USP35: variants seen among roughly 807,000 people sequenced by gnomAD.
USP35 encodes ubiquitin specific peptidase 35.
In USP35, 69 loss-of-function variants were observed where a neutral mutation model predicts 83.8. The ratio of observed to expected loss-of-function variants is 0.82; its 90% confidence interval spans 0.68 to 1.01. USP35 has a LOEUF of 1.01. USP35 is among the 50% of genes least tolerant of loss of function. USP35 has a pLI of 0.00. For missense variants in USP35, 1,503 were observed against 1,362.5 expected (o/e 1.10, Z -1.62); for synonymous variants, 714 against 589.5 (o/e 1.21, Z -3.06).
the USP35 span, among the ~76,000 whole-genome samples, chr11:78,227,581 G>A: frequency 1.4e-5 from 2 of 145,162 alleles, no homozygotes; most frequent in South Asian, 2.2e-4. Context: ...GTTCACTTGA[G>A]GCCAGGAGTT....
chr11:78,197,834 C>T (rs994097335), intron 2 of USP35, 102 bp from the exon 3 acceptor site: 2 of 1,471,762 alleles, frequency 1.4e-6, no homozygotes, highest in African/African-American at 1.4e-5. Flanking sequence ...TGTGCTCTTC[C>T]TAGAGGCCCA....
At chr11:78,229,047 A>T in the USP35 span, among the ~76,000 whole-genome samples, 1 of 152,300 alleles carries the variant, frequency 6.6e-6, no homozygotes, top group East Asian at 1.9e-4. Flanking sequence ...TGGTCTGGGA[A>T]TGTCACAGTA....
At chr11:78,191,184 G>T (rs149810263) in intron 1 of USP35, among the ~76,000 whole-genome samples, 56 of 152,174 alleles carry the variant, frequency 3.7e-4, no homozygotes, top group African/African-American at 1.3e-3. Flanking sequence ...CACACACAGG[G>T]TGCTTTGGGG....
the USP35 span, among the ~76,000 whole-genome samples, chr11:78,232,195 T>G: frequency 6.6e-6 from 1 of 152,200 alleles, no homozygotes; most frequent in Non-Finnish European, 1.5e-5. Flanking sequence ...ATGGGTAAGC[T>G]CTCCACTGAC....
chr11:78,208,842 C>T lies in USP35; in HGVS notation c.1486-15C>T. 1.9e-6 allele frequency: 3 copies of T among 1,614,098 alleles called. No individual in the cohort carries two copies. Among genetic ancestry groups the T allele is most frequent in the Non-Finnish European group, 2.5e-6 (3 of 1,179,944 alleles). ...CTCCTGCTCCTGACCATGCCTTTCG[C>T]CTGCCTTGTCCTAGCGGCCTGCCAT... On this transcript the variant is annotated splice_polypyrimidine_tract_variant and intron_variant, in intron 8 of 10. Coordinates refer to ENST00000529308, the MANE Select transcript of USP35 (RefSeq NM_020798.4).
chr11:78,233,855 C>T, the USP35 span, among the ~76,000 whole-genome samples: 1 of 152,250 alleles, frequency 6.6e-6, no homozygotes, highest in African/African-American at 2.4e-5. Context: ...CTCAAGTTAT[C>T]TGCCTGCTGC....
At chr11:78,222,030 C>T in the USP35 span, 30 of 965,532 alleles carry the variant, frequency 3.1e-5, no homozygotes, top group East Asian at 6.7e-4. Context: ...TCCCGGCCCA[C>T]AGGCCAGCTA....
At chr11:78,233,889 G>A in the USP35 span, among the ~76,000 whole-genome samples, 3 of 152,208 alleles carry the variant, frequency 2.0e-5, no homozygotes, top group African/African-American at 7.2e-5. Context: ...GAGATTACAG[G>A]CGTGGGCCAC....
chr11:78,223,426 T>C, the USP35 span: 2 of 1,562,364 alleles, frequency 1.3e-6, no homozygotes, highest in Non-Finnish European at 1.7e-6. Flanking sequence ...CCGATCAGGT[T>C]TGAGGTTGCG....
At chr11:78,222,592 G>A in the USP35 span, among the ~76,000 whole-genome samples, 1 of 150,160 alleles carries the variant, frequency 6.7e-6, no homozygotes, top group Non-Finnish European at 1.5e-5. Context: ...ACACATATAT[G>A]TATTTTTTAA....
rs755542777 is a variant in USP35, at chr11:78,210,607, G to A, written c.2752G>A (p.Ala918Thr). The change falls in exon 10 of 11, where the codon GCC becomes ACC. Residue 918 changes from alanine to threonine, a missense_variant. Coordinates refer to ENST00000529308, the MANE Select transcript of USP35 (RefSeq NM_020798.4). ...CACCTCCTTCTTCCCTAAGGACACA[G>A]CCTATGTGCTGTTTTACCGGCAGCG... The part of the protein sequence containing the change: ...NVTSFFPKDT[A>T]YVLFYRQRPR... The A allele has an allele frequency of 1.1e-5, 17 of 1,614,108 alleles. No homozygotes were observed. The highest frequency in any genetic ancestry group is 1.4e-5 in the Non-Finnish European group (17 of 1,180,030).
chr11:78,217,169 C>T (rs1321526800), downstream of USP35: 1 of 152,554 alleles, frequency 6.6e-6, no homozygotes, highest in Non-Finnish European at 1.5e-5. Context: ...ACCAACCTCC[C>T]TAAGTACTTC....
At chr11:78,225,715 G>T in the USP35 span, among the ~76,000 whole-genome samples, 1 of 152,220 alleles carries the variant, frequency 6.6e-6, no homozygotes, top group Non-Finnish European at 1.5e-5. Context: ...TAGGGTCTGA[G>T]TCTCATCTCT....
chr11:78,223,412 C>T, the USP35 span: 4 of 1,520,338 alleles, frequency 2.6e-6, no homozygotes, highest in Admixed American at 6.4e-5. Flanking sequence ...ATGGACTTAC[C>T]TTTCCGATCA....
intron 7 of USP35, 120 bp downstream of exon 7, chr11:78,206,155 A>G (rs749911028): frequency 4.7e-4 from 596 of 1,279,390 alleles, no homozygotes; most frequent in Non-Finnish European, 6.0e-4. Flanking sequence ...TTGCATTGCC[A>G]GCATGATTCC....
At chr11:78,223,642 G>A in the USP35 span, 5 of 1,610,472 alleles carry the variant, frequency 3.1e-6, no homozygotes, top group Non-Finnish European at 4.2e-6. Context: ...TTCAGAATTG[G>A]TGCTGTCCGA....
At position 78,209,695 on chromosome 11, in the gene USP35, G is replaced by A. The variant is rs1191104120; in HGVS notation, c.1840G>A (p.Val614Met). ...ERCRRRRLGSVMRPTEDITAR... is the reference protein window; with the variant it reads ...ERCRRRRLGSMMRPTEDITAR... ...CTGTCGCCGCCGCCGCCTGGGCTCTGTGATGCGCCCCACAGAAGACATCAC... is the reference window on the plus strand; with the variant it reads ...CTGTCGCCGCCGCCGCCTGGGCTCTATGATGCGCCCCACAGAAGACATCAC... The change falls in exon 10 of 11, where the codon GTG becomes ATG. Residue 614 changes from valine (V) to methionine (M), a missense_variant. Val to Met is a conservative substitution (Grantham distance 21). Transcript: ENST00000529308. 1 of 1,614,008 alleles carries A rather than the reference G, an allele frequency of 6.2e-7. No individual in the cohort carries two copies. Among genetic ancestry groups the A allele is most frequent in the Admixed American group, 1.7e-5 (1 of 60,010 alleles).
At position 78,196,520 on chromosome 11, in the gene USP35, G is replaced by A; in HGVS notation, c.275G>A (p.Gly92Asp). The change falls in exon 2 of 11, where the codon GGC becomes GAC. Residue 92 changes from glycine to aspartate, a missense_variant. Transcript: ENST00000529308. This position sits in a 1 kb window ranked among gnomAD's most constrained non-coding sequence, Gnocchi z 4.8. ...ARRVLRLLQG[G>D]AGPPGPRALA... ...CGCGTGCTGCGCCTGCTGCAGGGTG[G>A]CGCCGGCCCCCCGGGCCCCCGCGCG... is the stretch of plus-strand genomic sequence containing the variant. 1.6e-6 allele frequency: 2 copies of A among 1,224,868 alleles called. No individual in the cohort carries two copies. Among genetic ancestry groups the A allele is most frequent in the African/African-American group, 3.3e-5 (2 of 61,316 alleles). 75.9% of individuals were successfully genotyped at this position (1,224,868 alleles called of 1,614,324 possible).
intron 6 of USP35, among the ~76,000 whole-genome samples, chr11:78,204,616 T>C (rs528736964): frequency 6.6e-6 from 1 of 152,242 alleles, no homozygotes; most frequent in Non-Finnish European, 1.5e-5. Context: ...GGGTTGTGTC[T>C]GCCTTTTTGC....
Sources: allele counts gnomAD v4.1 joint callset (sites outside exome capture counted in the v4.1 genomes callset), GRCh38; gene constraint gnomAD v4.1.1; non-coding constraint Gnocchi (gnomAD v3.1); transcripts MANE v1.5; gene names NCBI Gene and HGNC (gene_info 2026-07-23, HGNC 2026-07-21).